The following FRMD6 variants were observed in gnomAD, a reference collection of about 807,000 sequenced individuals.
FRMD6 encodes the protein FERM domain containing 6, also known as FERM domain-containing protein 6.
Under a neutral mutation model 73.2 loss-of-function variants are expected in FRMD6, and 37 were observed. The ratio of observed to expected loss-of-function variants is 0.51; its 90% CI spans 0.39 to 0.66. FRMD6 has a LOEUF of 0.66. Among genes scored for constraint, FRMD6 ranks in the 30% least tolerant of loss-of-function variants. The probability of loss-of-function intolerance (pLI) is 0.00; values close to 1 mark genes in which losing one functional copy is unlikely to be tolerated. For missense variants in FRMD6, 714 were observed against 780.5 expected, an observed-to-expected ratio of 0.91 and a Z score of 1.02; for synonymous variants, 273 against 282.2, an observed-to-expected ratio of 0.97 and a Z score of 0.33.
In FRMD6 at chr14:51,715,390, G is replaced by A. The variant is rs183256622; in HGVS notation, c.915G>A (p.Gly305=). The A allele has an allele frequency of 5.0e-6, 8 of 1,613,542 alleles. No individual in the cohort carries two copies. In the East Asian group the frequency reaches 1.8e-4, roughly 36 times the overall value. Residue 305 remains glycine, a synonymous_variant, in exon 10 of 14, where the codon GGG becomes GGA. Coordinates refer to ENST00000344768, the MANE Select transcript of FRMD6 (RefSeq NM_001267046.2). ...CCCGGAAGCTCATATACTACACGGG[G>A]TGCCCCATGCGCTCCAGACACCTCC... ...PSARKLIYYT[G]CPMRSRHLLQ...
chr14:51,678,535 A>G (rs1156453334), intron 1 of FRMD6, among the ~76,000 whole-genome samples: 1 of 152,162 alleles, frequency 6.6e-6, no homozygotes, highest in Non-Finnish European at 1.5e-5. Flanking sequence ...TTGTGGGGGA[A>G]AAGTGTGTCG....
At chr14:51,473,694 G>A in the FRMD6 span, among the ~76,000 whole-genome samples, 3 of 152,164 alleles carry the variant, frequency 2.0e-5, no homozygotes, top group Non-Finnish European at 4.4e-5. Context: ...CCTTTTGAGA[G>A]CAGTACTTTC....
At chr14:51,616,084 C>T (rs1229358562) in intron 2 of FRMD6, among the ~76,000 whole-genome samples, 1 of 152,048 alleles carries the variant, frequency 6.6e-6, no homozygotes, top group African/African-American at 2.4e-5. Context: ...GAAGGACATA[C>T]CAACCTCTAA....
the FRMD6 span, among the ~76,000 whole-genome samples, chr14:51,482,017 A>T: frequency 1.3e-5 from 2 of 151,928 alleles, no homozygotes; most frequent in Non-Finnish European, 2.9e-5. Context: ...GGTTATGGAA[A>T]CCTCAGCGCT....
At chr14:51,586,831 C>G (rs1799181894) in intron 2 of FRMD6, among the ~76,000 whole-genome samples, 1 of 152,146 alleles carries the variant, frequency 6.6e-6, no homozygotes, top group South Asian at 2.1e-4. Context: ...GCAGCCTCAA[C>G]CTCCTGGACT....
At chr14:51,487,178 A>G (rs1190096867), upstream of FRMD6, among the ~76,000 whole-genome samples, 1 of 152,186 alleles carries the variant, frequency 6.6e-6, no homozygotes, top group Non-Finnish European at 1.5e-5. Context: ...TTGTTACTGT[A>G]TATAGTATCC....
the FRMD6 span, among the ~76,000 whole-genome samples, chr14:51,479,154 T>A: frequency 6.6e-6 from 1 of 152,052 alleles, no homozygotes; most frequent in African/African-American, 2.4e-5. Flanking sequence ...TTCAAGTGAG[T>A]GAGAAGATGG....
intron 1 of FRMD6, among the ~76,000 whole-genome samples, chr14:51,502,231 G>A (rs192909670): frequency 1.8e-3 from 280 of 152,132 alleles, no homozygotes; most frequent in African/African-American, 6.1e-3. Context: ...TTTTTGCTGC[G>A]GTTGCAATTG....
At chr14:51,721,429 A>G (rs1897556804) in intron 11 of FRMD6, among the ~76,000 whole-genome samples, 1 of 152,114 alleles carries the variant, frequency 6.6e-6, no homozygotes, top group African/African-American at 2.4e-5. Flanking sequence ...GGCCAACATG[A>G]TGAAACCTCA....
chr14:51,683,445 AT>A (rs34525926), intron 1 of FRMD6, among the ~76,000 whole-genome samples: 57,065 of 146,138 alleles, frequency 0.39, 10,985 homozygotes, highest in African/African-American at 0.46. Context: ...ATGCTCAGCT[AT>A]TTTTTTTTTT....
intron 10 of FRMD6, among the ~76,000 whole-genome samples, chr14:51,717,800 G>C (rs1412373190): frequency 6.6e-6 from 1 of 152,140 alleles, no homozygotes; most frequent in Admixed American, 6.5e-5. Flanking sequence ...GAGTCACCTT[G>C]TCTAAAACAC....
intron 2 of FRMD6, among the ~76,000 whole-genome samples, chr14:51,582,532 C>T (rs1328960543): frequency 6.6e-6 from 1 of 152,196 alleles, no homozygotes. Context: ...AGCTACAAGC[C>T]TTCCCACTAG....
intron 1 of FRMD6, among the ~76,000 whole-genome samples, chr14:51,564,547 A>AG (rs1887671899): frequency 6.6e-6 from 1 of 152,202 alleles, no homozygotes; most frequent in African/African-American, 2.4e-5. Context: ...GAGCTGACCA[A>AG]GGGTGGCTTT....
chr14:51,683,734 G>GGTAACTTA (rs1894967609), intron 1 of FRMD6, among the ~76,000 whole-genome samples: 1 of 152,148 alleles, frequency 6.6e-6, no homozygotes, highest in Non-Finnish European at 1.5e-5. Flanking sequence ...TTAGAGGTCA[G>GGTAACTTA]GTAACTTACC....
At chr14:51,725,623 T>C (rs1374605720) in intron 12 of FRMD6, among the ~76,000 whole-genome samples, 156 bp from the exon 13 acceptor site, 1 of 152,222 alleles carries the variant, frequency 6.6e-6, no homozygotes, top group Non-Finnish European at 1.5e-5. Context: ...GTGTGTGTGC[T>C]GTTCTGGTTG....
chr14:51,583,151 C>G (rs1888829560), intron 2 of FRMD6, among the ~76,000 whole-genome samples: 2 of 152,066 alleles, frequency 1.3e-5, no homozygotes, highest in Non-Finnish European at 2.9e-5. Context: ...AGAAAGAAAC[C>G]AAGACATTAA....
At chr14:51,497,308 A>G (rs928419992) in intron 1 of FRMD6, among the ~76,000 whole-genome samples, 2 of 150,574 alleles carry the variant, frequency 1.3e-5, no homozygotes, top group South Asian at 4.2e-4. Flanking sequence ...GCTTGCTTGT[A>G]GAAAGTTGGG....
At chr14:51,582,349 A>G (rs1049070019) in intron 2 of FRMD6, among the ~76,000 whole-genome samples, 2 of 152,238 alleles carry the variant, frequency 1.3e-5, no homozygotes, top group African/African-American at 4.8e-5. Context: ...GAGGGAAGAC[A>G]TTGGATGATA....
At chr14:51,679,962 A>G (rs1178459400) in intron 1 of FRMD6, among the ~76,000 whole-genome samples, 3 of 152,188 alleles carry the variant, frequency 2.0e-5, no homozygotes, top group Non-Finnish European at 4.4e-5. Context: ...AATGCCAAAG[A>G]AGAAGGGGGA....
Sources: allele counts gnomAD v4.1 joint callset (sites outside exome capture counted in the v4.1 genomes callset), GRCh38; gene constraint gnomAD v4.1.1; transcripts MANE v1.5; gene names NCBI Gene and HGNC (gene_info 2026-07-23, HGNC 2026-07-21).